Variants in EPHA7 observed in about 807,000 individuals in gnomAD.
EPHA7 encodes the protein EPH receptor A7, also known as ephrin type-A receptor 7.
Under a neutral mutation model 112.6 loss-of-function variants are expected in EPHA7, and 25 were observed. That is an observed-to-expected ratio of 0.22 (90% CI 0.16 to 0.31). EPHA7 has a LOEUF of 0.31. EPHA7 is among the 10% of genes least tolerant of loss of function. EPHA7 has a pLI of 1.00. For missense variants in EPHA7, 962 were observed against 1,212.6 expected (o/e 0.79, Z 3.07); for synonymous variants, 437 against 406.5 (o/e 1.07, Z -0.90).
At position 93,240,079 on chromosome 6, in the gene EPHA7, T is replaced by A. The variant is rs751729933; in HGVS notation, c.*3347A>T. On this transcript the variant is annotated 3_prime_UTR_variant, in exon 17 of 17. Transcript: ENST00000369303. ...TTTTAAGCTGGTAAAAAGAGACTTA[T>A]GATTCATGTTGAAGAAAGAGTTATT... The A allele has an allele frequency of 2.9e-4, 65 of 222,284 alleles. No homozygotes were observed. The highest frequency in any genetic ancestry group is 4.0e-4 in the Admixed American group (7 of 17,372). The allele number at this position is 222,284 out of a possible 1,614,324, so 13.8% of individuals were successfully genotyped here.
chr6:93,397,865 A>G (rs963552248), intron 3 of EPHA7, among the ~76,000 whole-genome samples: 1 of 152,036 alleles, frequency 6.6e-6, no homozygotes, highest in African/African-American at 2.4e-5. Flanking sequence ...GCAATAAAAA[A>G]GTGTGCTTAA....
chr6:93,407,445 A>C (rs1246927285), intron 3 of EPHA7, among the ~76,000 whole-genome samples: 1 of 152,098 alleles, frequency 6.6e-6, no homozygotes, highest in East Asian at 1.9e-4. Context: ...CATTGGAATT[A>C]TGCCAAGGAG....
chr6:93,272,478 T>C (rs1029214629), intron 5 of EPHA7, 56 bp from the exon 6 acceptor site: 1 of 1,603,950 alleles, frequency 6.2e-7, no homozygotes, highest in African/African-American at 1.3e-5. Context: ...ATGCCTCAAA[T>C]CAAATGTCAC....
At chr6:93,366,209 C>T (rs143547391) in intron 3 of EPHA7, among the ~76,000 whole-genome samples, 1,717 of 152,068 alleles carry the variant, frequency 0.011, 14 homozygotes, top group Non-Finnish European at 0.017. Context: ...TTTATAAATA[C>T]GAGCCTGTGT....
At chr6:93,323,436 T>G (rs190388695) in intron 5 of EPHA7, among the ~76,000 whole-genome samples, 1 of 151,640 alleles carries the variant, frequency 6.6e-6, no homozygotes, top group Admixed American at 6.6e-5. Flanking sequence ...GAAACCAAAA[T>G]AATGATACCA....
intron 3 of EPHA7, among the ~76,000 whole-genome samples, chr6:93,359,363 TTAATA>T (rs1309447352): frequency 1.3e-4 from 20 of 150,786 alleles, no homozygotes; most frequent in African/African-American, 2.4e-4. Flanking sequence ...ATAATTTTTA[TTAATA>T]TAATATATTA....
At chr6:93,416,304 C>T (rs1386406402) in intron 1 of EPHA7, among the ~76,000 whole-genome samples, 1 of 152,200 alleles carries the variant, frequency 6.6e-6, no homozygotes, top group Non-Finnish European at 1.5e-5. Context: ...AGGTACTCTA[C>T]TCTTTTTGAG....
intron 5 of EPHA7, among the ~76,000 whole-genome samples, chr6:93,290,212 AAT>A (rs1772289298): frequency 6.6e-6 from 1 of 152,072 alleles, no homozygotes; most frequent in African/African-American, 2.4e-5. Flanking sequence ...AGTAATATAA[AAT>A]ATGACATATA....
At chr6:93,336,576 T>C (rs572183500) in intron 5 of EPHA7, among the ~76,000 whole-genome samples, 2 of 152,188 alleles carry the variant, frequency 1.3e-5, no homozygotes, top group East Asian at 3.9e-4. Flanking sequence ...CTATTTTTTT[T>C]ATTTTTAGTA....
At chr6:93,322,385 C>G (rs552634804) in intron 5 of EPHA7, among the ~76,000 whole-genome samples, 31 of 151,724 alleles carry the variant, frequency 2.0e-4, no homozygotes, top group Admixed American at 1.3e-3. Flanking sequence ...CGCTTAAAAT[C>G]TACTGCAAGC....
chr6:93,252,591 C>T (rs1417999367), intron 14 of EPHA7, among the ~76,000 whole-genome samples: 2 of 151,888 alleles, frequency 1.3e-5, no homozygotes, highest in East Asian at 3.9e-4. Flanking sequence ...AAATCATTAT[C>T]CTAAATTATC....
intron 3 of EPHA7, among the ~76,000 whole-genome samples, chr6:93,369,237 T>G (rs1776664671): frequency 6.6e-6 from 1 of 151,134 alleles, no homozygotes; most frequent in African/African-American, 2.4e-5. Flanking sequence ...ACATAGAATT[T>G]TTAGAAATAA....
At chr6:93,326,548 G>C (rs1774329875) in intron 5 of EPHA7, among the ~76,000 whole-genome samples, 2 of 151,444 alleles carry the variant, frequency 1.3e-5, no homozygotes, top group African/African-American at 4.8e-5. Context: ...ATAAGTAGAA[G>C]CAAGTTTTAA....
intron 5 of EPHA7, among the ~76,000 whole-genome samples, chr6:93,333,193 T>A (rs1207154347): frequency 2.6e-5 from 4 of 151,798 alleles, no homozygotes; most frequent in Non-Finnish European, 5.9e-5. Context: ...GCTCCATCCA[T>A]GATGCTTCAA....
chr6:93,249,959 T>C (rs568831556), intron 14 of EPHA7, among the ~76,000 whole-genome samples: 4 of 152,318 alleles, frequency 2.6e-5, no homozygotes, highest in African/African-American at 9.6e-5. Context: ...GTAGTTGTCC[T>C]ACTGCATTAC....
intron 5 of EPHA7, among the ~76,000 whole-genome samples, chr6:93,279,316 T>C (rs1235873868): frequency 2.6e-5 from 4 of 152,152 alleles, no homozygotes; most frequent in Non-Finnish European, 4.4e-5. Flanking sequence ...TGCATCACTC[T>C]TTTATCAGCT....
intron 5 of EPHA7, among the ~76,000 whole-genome samples, chr6:93,296,093 GA>G (rs1772648473): frequency 1.9e-4 from 29 of 151,478 alleles, no homozygotes; most frequent in Admixed American, 1.9e-3. Flanking sequence ...AATGCCATTT[GA>G]AAATGTTTTG....
chr6:93,331,222 A>G (rs1277901409), intron 5 of EPHA7, among the ~76,000 whole-genome samples: 1 of 151,464 alleles, frequency 6.6e-6, no homozygotes, highest in Non-Finnish European at 1.5e-5. Context: ...TATTTTAAGA[A>G]AAGAAGTAAA....
At chr6:93,386,452 C>T (rs552770761) in intron 3 of EPHA7, among the ~76,000 whole-genome samples, 21 of 152,298 alleles carry the variant, frequency 1.4e-4, no homozygotes, top group African/African-American at 4.3e-4. Flanking sequence ...ATTCAGGTCA[C>T]GCTGATGTAA....
Sources: allele counts gnomAD v4.1 joint callset (sites outside exome capture counted in the v4.1 genomes callset), GRCh38; gene constraint gnomAD v4.1.1; transcripts MANE v1.5; gene names NCBI Gene and HGNC (gene_info 2026-07-23, HGNC 2026-07-21).